The following TMEM131 variants were observed in gnomAD, a reference collection of about 807,000 sequenced individuals.
TMEM131 encodes the protein 2610524E03Rik.
In TMEM131, 66 loss-of-function variants were observed where a neutral mutation model predicts 211.6. The ratio of observed to expected loss-of-function variants is 0.31; its 90% confidence interval spans 0.26 to 0.38. The LOEUF (loss-of-function observed/expected upper bound fraction) is 0.38, where lower values mean the gene tolerates loss of function less well. Among genes scored for constraint, TMEM131 ranks in the 10% least tolerant of loss-of-function variants. The pLI is 1.00. For missense variants in TMEM131, 2,036 were observed against 2,299.3 expected (o/e 0.89, Z 2.34); for synonymous variants, 844 against 841.3 (o/e 1.00, Z -0.06).
chr2:97,779,085 C>A (rs1679866569), intron 31 of TMEM131, among the ~76,000 whole-genome samples: 1 of 152,132 alleles, frequency 6.6e-6, no homozygotes, highest in Admixed American at 6.5e-5. Flanking sequence ...GGGTCTAGGC[C>A]CCACCCCTCA....
At chr2:97,970,793 C>T (rs1679263507) in intron 1 of TMEM131, among the ~76,000 whole-genome samples, 1 of 152,102 alleles carries the variant, frequency 6.6e-6, no homozygotes, top group South Asian at 2.1e-4. Flanking sequence ...ATATCTCATT[C>T]ACTTTTACCC....
Position 97,757,112 on chromosome 2 carries a change from G to A in TMEM131, c.5639C>T (p.Pro1880Leu). ...TTTTTGCTTAATTTAATTCTCGTGA[G>A]GAAAGTGCGAATTAGACCAAGGGTC... is the stretch of plus-strand genomic sequence containing the variant. ...SSDPWSNSHF[P>L]HEN The change falls in exon 41 of 41, where the codon CCT becomes CTT. Residue 1880 changes from proline (P) to leucine (L), a missense_variant. By Grantham distance (98) the Pro-to-Leu change is moderately conservative (BLOSUM62 -3). Around this residue, in one of 3 missense-constraint regions of TMEM131, gnomAD observed 1,623 missense variants for 1,805.9 expected, o/e 0.90. Coordinates refer to ENST00000186436, the MANE Select transcript of TMEM131 (RefSeq NM_015348.2). 6.3e-7 allele frequency: 1 copy of A among 1,595,540 alleles called. No homozygotes were observed. The highest frequency in any genetic ancestry group is 8.6e-7 in the Non-Finnish European group (1 of 1,167,906).
At chr2:97,826,127 T>C (rs913006076) in intron 11 of TMEM131, among the ~76,000 whole-genome samples, 3 of 152,168 alleles carry the variant, frequency 2.0e-5, no homozygotes, top group Non-Finnish European at 2.9e-5. Context: ...ACTTAACCTA[T>C]ATACTGATGA....
intron 33 of TMEM131, among the ~76,000 whole-genome samples, chr2:97,769,688 A>G (rs986758269): frequency 7.2e-5 from 11 of 152,236 alleles, no homozygotes; most frequent in Admixed American, 1.3e-4. Context: ...AACAAATAGA[A>G]AAACAAAAGG....
At chr2:97,981,050 A>G (rs1679769878) in intron 1 of TMEM131, among the ~76,000 whole-genome samples, 2 of 144,870 alleles carry the variant, frequency 1.4e-5, no homozygotes, top group Admixed American at 6.8e-5. Context: ...AAAAAAAAAA[A>G]AAAAAAAAAA....
intron 28 of TMEM131, among the ~76,000 whole-genome samples, chr2:97,795,543 A>G (rs187931336): frequency 6.6e-6 from 1 of 152,166 alleles, no homozygotes; most frequent in African/African-American, 2.4e-5. Flanking sequence ...CAATTATTCT[A>G]TTTTTATTTT....
In TMEM131 at chr2:97,792,738, G is replaced by T. The variant is rs1433751238; in HGVS notation, c.3792C>A (p.Val1264=). 2 of 1,614,054 alleles carry T rather than the reference G, an allele frequency of 1.2e-6. No individual in the cohort carries two copies. Among genetic ancestry groups the T allele is most frequent in the Admixed American group, 3.3e-5 (2 of 60,024 alleles). The part of the protein sequence containing the change: ...SQSANKTSPL[V]LDSNTVTQGH... ...CTTGAGTCACTGTGTTCGAATCTAAGACAAGGGGGCTTGTTTTGTTAGCAG... is the reference window on the plus strand; with the variant it reads ...CTTGAGTCACTGTGTTCGAATCTAATACAAGGGGGCTTGTTTTGTTAGCAG... Residue 1264 remains valine, a synonymous_variant, in exon 31 of 41, where the codon GTC becomes GTA. Coordinates refer to ENST00000186436, the MANE Select transcript of TMEM131 (RefSeq NM_015348.2).
intron 11 of TMEM131, among the ~76,000 whole-genome samples, chr2:97,826,967 C>T (rs891019209): frequency 2.0e-5 from 3 of 151,192 alleles, no homozygotes; most frequent in African/African-American, 7.3e-5. Context: ...TACAAAGGTC[C>T]GACCAGACCT....
At chr2:97,853,231 T>A (rs1326712343) in intron 5 of TMEM131, among the ~76,000 whole-genome samples, 1 of 152,254 alleles carries the variant, frequency 6.6e-6, no homozygotes, top group South Asian at 2.1e-4. Flanking sequence ...CAAAGGGTGA[T>A]TCCTCTGATG....
At chr2:97,989,862 A>G (rs1476365343) in intron 1 of TMEM131, among the ~76,000 whole-genome samples, 1 of 152,242 alleles carries the variant, frequency 6.6e-6, no homozygotes, top group African/African-American at 2.4e-5. Context: ...ATTTGGAACT[A>G]CAGATGAGAA....
At chr2:97,882,159 G>T (rs1674962973) in intron 4 of TMEM131, among the ~76,000 whole-genome samples, 1 of 152,092 alleles carries the variant, frequency 6.6e-6, no homozygotes, top group Non-Finnish European at 1.5e-5. Flanking sequence ...CAAAATTTAG[G>T]AACCTCTTTG....
At chr2:97,835,463 G>C (rs541763283) in intron 8 of TMEM131, among the ~76,000 whole-genome samples, 8 of 152,268 alleles carry the variant, frequency 5.3e-5, no homozygotes, top group Admixed American at 2.6e-4. Context: ...ATGTAAGACA[G>C]CATACATTTT....
intron 1 of TMEM131, among the ~76,000 whole-genome samples, chr2:97,935,708 A>G (rs1179604965): frequency 6.6e-5 from 10 of 152,242 alleles, no homozygotes; most frequent in Admixed American, 3.9e-4. Context: ...AAAGTTAGGG[A>G]CATTTGAAAA....
intron 12 of TMEM131, among the ~76,000 whole-genome samples, chr2:97,816,905 C>T (rs1681854025): frequency 6.6e-6 from 1 of 152,108 alleles, no homozygotes; most frequent in Admixed American, 6.5e-5. Flanking sequence ...TTAAATAACA[C>T]ACACTTCCTG....
chr2:97,927,361 A>T, intron 2 of TMEM131, 65 bp downstream of exon 2: 4 of 1,260,192 alleles, frequency 3.2e-6, no homozygotes, highest in Non-Finnish European at 4.3e-6. Flanking sequence ...CATTTTTAAA[A>T]GAAAAATAAT....
chr2:97,982,301 T>TTTA (rs1344788515), intron 1 of TMEM131, among the ~76,000 whole-genome samples: 1 of 152,192 alleles, frequency 6.6e-6, no homozygotes, highest in African/African-American at 2.4e-5. Context: ...TTTTCATACG[T>TTTA]TTATTATATA....
chr2:97,778,749 G>GT (rs1006806839), intron 31 of TMEM131, among the ~76,000 whole-genome samples: 22 of 152,112 alleles, frequency 1.4e-4, no homozygotes, highest in African/African-American at 4.8e-4. Context: ...TGACCTTCCC[G>GT]TTCCACTGGA....
chr2:97,920,217 C>G (rs945781167), intron 2 of TMEM131, among the ~76,000 whole-genome samples: 3 of 152,178 alleles, frequency 2.0e-5, no homozygotes, highest in Admixed American at 6.5e-5. Flanking sequence ...CAGGCAGTAG[C>G]CCTCAATCTC....
chr2:97,870,662 G>A (rs1674453702), intron 4 of TMEM131, among the ~76,000 whole-genome samples: 1 of 152,202 alleles, frequency 6.6e-6, no homozygotes, highest in Non-Finnish European at 1.5e-5. Flanking sequence ...ACAGAAAGAT[G>A]ACACTGCAGT....
Sources: gnomAD v4.1 joint callset for allele counts (sites outside exome capture counted in the v4.1 genomes callset) on GRCh38, gnomAD v4.1.1 for gene constraint, gnomAD v4.1.1 regional missense constraint, MANE v1.5 for transcripts, NCBI Gene and HGNC (gene_info 2026-07-23, HGNC 2026-07-21) for gene names.